SYT1: variants seen among roughly 807,000 people sequenced by gnomAD.
SYT1 encodes synaptotagmin 1.
A neutral mutation model predicts 44.8 loss-of-function variants in SYT1; 8 were observed. The observed-to-expected ratio is 0.18, with a 90% CI of 0.10 to 0.32. SYT1 has a LOEUF of 0.32. Ranked by LOEUF, SYT1 falls within the 10% of genes least tolerant of loss-of-function variation. SYT1 has a pLI of 1.00. For synonymous variants in SYT1, 154 were observed against 188.8 expected (o/e 0.82, Z 1.51); for missense variants, 286 against 509.3 (o/e 0.56, Z 4.22).
At chr12:79,008,999 G>A (rs1438004577) in intron 2 of SYT1, among the ~76,000 whole-genome samples, 3 of 152,118 alleles carry the variant, frequency 2.0e-5, no homozygotes, top group African/African-American at 4.8e-5. Flanking sequence ...CTCTAACCAT[G>A]TTTATGGTTC....
At chr12:79,154,769 A>T (rs1870492906) in intron 3 of SYT1, among the ~76,000 whole-genome samples, 2 of 152,168 alleles carry the variant, frequency 1.3e-5, no homozygotes, top group Admixed American at 1.3e-4. Context: ...GGAATGTGTG[A>T]AGATAAGTTT....
intron 8 of SYT1, among the ~76,000 whole-genome samples, chr12:79,310,453 T>C (rs1220327355): frequency 6.6e-6 from 1 of 152,220 alleles, no homozygotes; most frequent in Non-Finnish European, 1.5e-5. Flanking sequence ...GGTAGTGTGA[T>C]TCCTCCAGCT....
At chr12:79,029,745 A>G (rs1267065149) in intron 2 of SYT1, among the ~76,000 whole-genome samples, 2 of 151,192 alleles carry the variant, frequency 1.3e-5, no homozygotes, top group Non-Finnish European at 3.0e-5. Context: ...TCTCACAGTA[A>G]CATTTTACAA....
At chr12:79,175,663 A>G (rs1025611463) in intron 3 of SYT1, among the ~76,000 whole-genome samples, 1 of 152,062 alleles carries the variant, frequency 6.6e-6, no homozygotes, top group East Asian at 1.9e-4. Flanking sequence ...AGCTATTGTA[A>G]TTATTTTTCT....
At chr12:78,870,576 C>T (rs1479223641) in intron 1 of SYT1, among the ~76,000 whole-genome samples, 2 of 152,062 alleles carry the variant, frequency 1.3e-5, no homozygotes, top group Middle Eastern at 3.2e-3. Flanking sequence ...TTTGCAATTG[C>T]TTACATGAGA....
intron 3 of SYT1, among the ~76,000 whole-genome samples, chr12:79,158,679 C>T (rs1284461027): frequency 6.6e-6 from 1 of 152,080 alleles, no homozygotes; most frequent in Non-Finnish European, 1.5e-5. Flanking sequence ...AGGTGGATCG[C>T]TTGAGCTCAG....
chr12:79,180,651 T>G (rs117491325), intron 3 of SYT1, among the ~76,000 whole-genome samples: 2 of 150,598 alleles, frequency 1.3e-5, no homozygotes, highest in Non-Finnish European at 3.0e-5. Flanking sequence ...CAAGAGAGAG[T>G]GAAGGGGGAG....
In SYT1 at chr12:79,416,512, C is replaced by T. The variant is rs143599017; in HGVS notation, c.929-27561C>T. 4.1e-3 allele frequency among the ~76,000 whole-genome samples: 628 copies of T among 152,110 alleles called. 6 individuals carry two copies. Among genetic ancestry groups the T allele is most frequent in the Non-Finnish European group, 3.2e-3 (220 of 67,988 alleles). On this transcript the variant is annotated intron_variant, in intron 9 of 10. Coordinates refer to ENST00000261205, the MANE Select transcript of SYT1 (RefSeq NM_005639.3). ...TTATTGTAGTAAAATAACAGATGAT[C>T]ACTATTTTTTCAAAGATTAAAAAAT...
rs1482696996 is a variant in SYT1, at chr12:78,977,782, A to T, written c.-216-17A>T. Reference sequence around the variant, plus strand: ...GGCTAGCATTTTCACAGATTCTATTATTCTCTCTCTCTCAAGGGAAAACGG... The same window carrying T: ...GGCTAGCATTTTCACAGATTCTATTTTTCTCTCTCTCTCAAGGGAAAACGG... On this transcript the variant is annotated splice_polypyrimidine_tract_variant and intron_variant, in intron 1 of 10. Transcript: ENST00000261205. The T allele has an allele frequency of 6.6e-6, 1 of 152,220 alleles. No individual in the cohort carries two copies. Among genetic ancestry groups the T allele is most frequent in the Non-Finnish European group, 1.5e-5 (1 of 68,092 alleles). 9.4% of individuals were successfully genotyped at this position (152,220 alleles called of 1,614,324 possible).
At chr12:79,036,333 A>T (rs1873132084) in intron 2 of SYT1, among the ~76,000 whole-genome samples, 1 of 151,874 alleles carries the variant, frequency 6.6e-6, no homozygotes, top group Non-Finnish European at 1.5e-5. Context: ...GGAAAGCTTC[A>T]TGGAGGTGTC....
intron 3 of SYT1, among the ~76,000 whole-genome samples, chr12:79,132,324 CT>C (rs915439212): frequency 6.6e-6 from 1 of 151,940 alleles, no homozygotes; most frequent in Admixed American, 6.6e-5. Context: ...TGGCACGTGC[CT>C]GTCGTCCCAG....
intron 4 of SYT1, among the ~76,000 whole-genome samples, chr12:79,222,767 C>A (rs944446283): frequency 2.0e-5 from 3 of 152,230 alleles, no homozygotes; most frequent in African/African-American, 2.4e-5. Flanking sequence ...GATGCTGTCC[C>A]ATAAATCCCA....
chr12:79,180,272 C>T (rs567452833), intron 3 of SYT1, among the ~76,000 whole-genome samples: 1 of 152,054 alleles, frequency 6.6e-6, no homozygotes, highest in East Asian at 1.9e-4. Context: ...CTAGAACAAG[C>T]ATAAGAATTC....
chr12:79,140,937 A>G (rs1002531872), intron 3 of SYT1, among the ~76,000 whole-genome samples: 1 of 152,198 alleles, frequency 6.6e-6, no homozygotes, highest in African/African-American at 2.4e-5. Flanking sequence ...GCTTGCCGAC[A>G]TCTGAATGAA....
intron 1 of SYT1, among the ~76,000 whole-genome samples, chr12:78,968,023 G>C (rs1160616591): frequency 6.6e-6 from 1 of 152,050 alleles, no homozygotes; most frequent in Non-Finnish European, 1.5e-5. Context: ...GACTTTAGTA[G>C]GATGGAATGG....
At chr12:79,069,383 C>A (rs185944141) in intron 3 of SYT1, among the ~76,000 whole-genome samples, 36 of 152,160 alleles carry the variant, frequency 2.4e-4, no homozygotes, top group African/African-American at 8.7e-4. Flanking sequence ...GGCCATAATG[C>A]TGACTTAAGC....
chr12:79,097,653 C>T (rs529330486), intron 3 of SYT1, among the ~76,000 whole-genome samples: 11 of 151,952 alleles, frequency 7.2e-5, no homozygotes, highest in African/African-American at 2.7e-4. Flanking sequence ...TCAAATGAGG[C>T]CTTACCCAGC....
rs1431063914 is a variant in SYT1, at chr12:79,227,019, G to A, written c.166+9334G>A. 2.0e-5 allele frequency among the ~76,000 whole-genome samples: 3 copies of A among 152,058 alleles called. No individual in the cohort carries two copies. In the East Asian group the frequency reaches 5.8e-4, roughly 29 times the overall value. On this transcript the variant is annotated intron_variant, in intron 4 of 10. Coordinates refer to ENST00000261205, the MANE Select transcript of SYT1 (RefSeq NM_005639.3). ...ATTTCAGTCTCTGAACTAAATCTTG[G>A]CTATCTGGCAGATGTGTTTTTTGCA...
At chr12:79,181,712 T>A (rs1227506442) in intron 3 of SYT1, among the ~76,000 whole-genome samples, 3 of 152,040 alleles carry the variant, frequency 2.0e-5, no homozygotes, top group Non-Finnish European at 4.4e-5. Flanking sequence ...TCACTGCTAC[T>A]CAGTACTCCT....
Sources: gnomAD v4.1 joint callset for allele counts (sites outside exome capture counted in the v4.1 genomes callset) on GRCh38, gnomAD v4.1.1 for gene constraint, MANE v1.5 for transcripts, NCBI Gene and HGNC (gene_info 2026-07-23, HGNC 2026-07-21) for gene names.